SGCZ: variants seen among roughly 807,000 people sequenced by gnomAD.
SGCZ encodes the protein zeta-sarcoglycan.
A neutral mutation model predicts 41.3 loss-of-function variants in SGCZ; 40 were observed. The ratio of observed to expected loss-of-function variants is 0.97; its 90% CI spans 0.75 to 1.26. The LOEUF is 1.26. SGCZ is among the 50% of genes most tolerant of loss of function. The probability of loss-of-function intolerance (pLI) is 0.00; values close to 1 mark genes in which losing one functional copy is unlikely to be tolerated. For synonymous variants in SGCZ, 206 were observed against 137.5 expected, an observed-to-expected ratio of 1.50 and a Z score of -3.49; for missense variants, 552 against 369.8, an observed-to-expected ratio of 1.49 and a Z score of -4.04.
At chr8:14,468,375 A>G (rs1801111263) in intron 2 of SGCZ, among the ~76,000 whole-genome samples, 1 of 152,096 alleles carries the variant, frequency 6.6e-6, no homozygotes, top group African/African-American at 2.4e-5. Context: ...TATGGCTAAT[A>G]TCAATTTATT....
intron 4 of SGCZ, among the ~76,000 whole-genome samples, chr8:14,224,780 T>C (rs559857798): frequency 6.6e-6 from 1 of 152,144 alleles, no homozygotes; most frequent in Non-Finnish European, 1.5e-5. Flanking sequence ...CATCATTAAA[T>C]TACTTGTAAC....
chr8:14,896,225 C>T (rs1049424393), intron 1 of SGCZ, among the ~76,000 whole-genome samples: 3 of 152,174 alleles, frequency 2.0e-5, no homozygotes, highest in African/African-American at 7.2e-5. Context: ...TCCGGGAAAG[C>T]TGACTTTCAA....
intron 1 of SGCZ, among the ~76,000 whole-genome samples, chr8:14,871,215 A>AC (rs553948749): frequency 1.9e-4 from 29 of 150,232 alleles, no homozygotes; most frequent in African/African-American, 6.8e-4. Context: ...CTCAACAACA[A>AC]AAAAAAAAGT....
At chr8:14,600,881 C>A (rs978947669) in intron 1 of SGCZ, among the ~76,000 whole-genome samples, 1 of 151,418 alleles carries the variant, frequency 6.6e-6, no homozygotes, top group African/African-American at 2.4e-5. Flanking sequence ...TTAAAATAGA[C>A]CTCAAGCCTT....
At chr8:15,044,825 G>A (rs995251175) in intron 1 of SGCZ, among the ~76,000 whole-genome samples, 1 of 152,040 alleles carries the variant, frequency 6.6e-6, no homozygotes, top group African/African-American at 2.4e-5. Context: ...GTGAAGACAA[G>A]AAATTCTATG....
intron 1 of SGCZ, among the ~76,000 whole-genome samples, chr8:14,763,349 T>C (rs924371992): frequency 6.6e-6 from 1 of 152,158 alleles, no homozygotes; most frequent in Non-Finnish European, 1.5e-5. Flanking sequence ...CCAGGATTAC[T>C]GAAACAAGCC....
At chr8:15,229,946 G>A (rs1488355496) in intron 1 of SGCZ, among the ~76,000 whole-genome samples, 3 of 152,204 alleles carry the variant, frequency 2.0e-5, no homozygotes, top group Admixed American at 6.5e-5. Context: ...ATGATAATGT[G>A]TGAGTTAGTA....
chr8:14,539,235 G>A (rs1290769569), intron 2 of SGCZ, among the ~76,000 whole-genome samples: 1 of 151,914 alleles, frequency 6.6e-6, no homozygotes, highest in Non-Finnish European at 1.5e-5. Flanking sequence ...CTGAAGATTT[G>A]GGACTTTTCA....
At chr8:14,576,210 G>A (rs1278051180) in intron 1 of SGCZ, among the ~76,000 whole-genome samples, 4 of 152,168 alleles carry the variant, frequency 2.6e-5, no homozygotes, top group Admixed American at 2.0e-4. Flanking sequence ...GTTTTGTGGT[G>A]TGCTGTCTAT....
intron 1 of SGCZ, among the ~76,000 whole-genome samples, chr8:15,023,363 ATGCTGTTTACAG>A: frequency 6.6e-6 from 1 of 152,136 alleles, no homozygotes; most frequent in East Asian, 1.9e-4. Flanking sequence ...GTGAAATGTG[ATGCTGTTTACAG>A]TTTGCCATCA....
intron 1 of SGCZ, among the ~76,000 whole-genome samples, chr8:14,741,594 A>T (rs537381834): frequency 6.6e-6 from 1 of 152,260 alleles, no homozygotes; most frequent in South Asian, 2.1e-4. Flanking sequence ...TGCTAAATGT[A>T]TAATCTGAAA....
intron 2 of SGCZ, among the ~76,000 whole-genome samples, chr8:14,492,747 G>A (rs1014505437): frequency 8.5e-5 from 13 of 152,094 alleles, no homozygotes; most frequent in Admixed American, 2.0e-4. Context: ...GTTCCATTTC[G>A]TGATACTTTA....
intron 4 of SGCZ, among the ~76,000 whole-genome samples, chr8:14,208,097 A>G (rs1009913335): frequency 6.6e-6 from 1 of 152,206 alleles, no homozygotes; most frequent in Non-Finnish European, 1.5e-5. Flanking sequence ...CCTATACTCA[A>G]TGTACTTCCT....
intron 2 of SGCZ, among the ~76,000 whole-genome samples, chr8:14,413,859 G>C (rs760448875): frequency 6.6e-6 from 1 of 151,860 alleles, no homozygotes; most frequent in East Asian, 1.9e-4. Flanking sequence ...ATCTTTCTTT[G>C]ATTTGTTCTC....
intron 1 of SGCZ, among the ~76,000 whole-genome samples, chr8:14,991,030 CAA>C (rs1338812674): frequency 6.6e-6 from 1 of 152,052 alleles, no homozygotes; most frequent in African/African-American, 2.4e-5. Context: ...TTGAAAAATG[CAA>C]AAGACTATTA....
chr8:15,038,814 C>CAAAAAAAAAA (rs58922339), intron 1 of SGCZ, among the ~76,000 whole-genome samples: 3 of 93,088 alleles, frequency 3.2e-5, no homozygotes, highest in African/African-American at 8.1e-5. Flanking sequence ...TGACATTTCT[C>CAAAAAAAAAA]AAAAAAAAAA....
At chr8:14,545,502 T>C (rs1036517984) in intron 2 of SGCZ, among the ~76,000 whole-genome samples, 2 of 152,224 alleles carry the variant, frequency 1.3e-5, no homozygotes, top group East Asian at 3.9e-4. Flanking sequence ...ATTCTTTTTC[T>C]AAATGTCCTA....
rs1014477569 is a variant in SGCZ at position 14,159,122 on chromosome 8, T to C, written c.547+5458A>G. 3.9e-5 allele frequency among the ~76,000 whole-genome samples: 6 copies of C among 152,160 alleles called. No individual in the cohort carries two copies. The South Asian group carries it at 6.2e-4, about 16-fold the overall frequency. ...TATAGGAAATCAGACTATTCATTGATACATGGCAGGATAAATTATGAGATT... is the reference window on the plus strand; with the variant it reads ...TATAGGAAATCAGACTATTCATTGACACATGGCAGGATAAATTATGAGATT... On this transcript the variant is annotated intron_variant, in intron 5 of 7. Coordinates refer to ENST00000382080, the MANE Select transcript of SGCZ (RefSeq NM_139167.4).
intron 1 of SGCZ, among the ~76,000 whole-genome samples, chr8:14,752,318 A>C (rs575032461): frequency 1.3e-5 from 2 of 152,182 alleles, no homozygotes; most frequent in African/African-American, 4.8e-5. Flanking sequence ...TATTATGTTT[A>C]TAAATGCAAT....
Sources: allele counts gnomAD v4.1 joint callset (sites outside exome capture counted in the v4.1 genomes callset), GRCh38; gene constraint gnomAD v4.1.1; transcripts MANE v1.5; gene names NCBI Gene and HGNC (gene_info 2026-07-23, HGNC 2026-07-21).